Variants in PTPRK observed in about 807,000 individuals in gnomAD.
PTPRK encodes protein tyrosine phosphatase receptor type K, also known as receptor-type tyrosine-protein phosphatase kappa.
PTPRK carries 75 observed loss-of-function variants against 178.0 expected under a neutral mutation model. The observed-to-expected ratio is 0.42, with a 90% CI of 0.35 to 0.51. PTPRK has a LOEUF of 0.51. Among genes scored for constraint, PTPRK ranks in the 20% least tolerant of loss-of-function variants. The probability of loss-of-function intolerance (pLI) is 0.02; values close to 1 mark genes in which losing one functional copy is unlikely to be tolerated. For synonymous variants in PTPRK, 637 were observed against 620.6 expected, an observed-to-expected ratio of 1.03 and a Z score of -0.39; for missense variants, 1,441 against 1,797.8, an observed-to-expected ratio of 0.80 and a Z score of 3.59.
At chr6:128,412,116 T>C (rs1842372520) in intron 1 of PTPRK, among the ~76,000 whole-genome samples, 1 of 152,226 alleles carries the variant, frequency 6.6e-6, no homozygotes, top group Non-Finnish European at 1.5e-5. Flanking sequence ...CAGATCTTAA[T>C]TTATTAGTGC....
chr6:128,508,345 T>C (rs1856666648), intron 1 of PTPRK, among the ~76,000 whole-genome samples: 1 of 150,874 alleles, frequency 6.6e-6, no homozygotes, highest in Admixed American at 6.6e-5. Flanking sequence ...AAAGAATAAA[T>C]GAAAGGATAT....
chr6:128,156,724 TA>T (rs1264531948), intron 7 of PTPRK, among the ~76,000 whole-genome samples: 2 of 151,960 alleles, frequency 1.3e-5, no homozygotes, highest in Non-Finnish European at 2.9e-5. Flanking sequence ...AATCGTTATT[TA>T]AGAAAATAAC....
chr6:128,202,553 T>G (rs1806157653), intron 6 of PTPRK, among the ~76,000 whole-genome samples: 1 of 152,106 alleles, frequency 6.6e-6, no homozygotes, highest in Non-Finnish European at 1.5e-5. Context: ...AGGCCCCACT[T>G]CGAGGGCACT....
chr6:128,338,082 A>G (rs1344215351), intron 2 of PTPRK, among the ~76,000 whole-genome samples: 3 of 152,140 alleles, frequency 2.0e-5, no homozygotes, highest in Non-Finnish European at 4.4e-5. Flanking sequence ...TAAACACAGA[A>G]AAGATTTAAG....
intron 1 of PTPRK, among the ~76,000 whole-genome samples, chr6:128,473,893 A>G (rs1049356816): frequency 6.6e-6 from 1 of 152,114 alleles, no homozygotes; most frequent in Non-Finnish European, 1.5e-5. Flanking sequence ...AAAGTAGAAA[A>G]CAAACATTAA....
intron 1 of PTPRK, among the ~76,000 whole-genome samples, chr6:128,486,885 G>C (rs1291035752): frequency 1.3e-5 from 2 of 151,612 alleles, no homozygotes; most frequent in Non-Finnish European, 2.9e-5. Flanking sequence ...TTATGAATAT[G>C]AACACAGAAA....
At chr6:128,157,131 T>C (rs1198620112) in intron 7 of PTPRK, among the ~76,000 whole-genome samples, 2 of 152,058 alleles carry the variant, frequency 1.3e-5, no homozygotes, top group Non-Finnish European at 2.9e-5. Flanking sequence ...TAATCCCTCT[T>C]GCTTTTGCTT....
intron 19 of PTPRK, among the ~76,000 whole-genome samples, chr6:127,991,995 A>C (rs895983587): frequency 2.0e-5 from 3 of 151,790 alleles, no homozygotes; most frequent in African/African-American, 7.2e-5. Flanking sequence ...ACACAGAAAA[A>C]TGACCCCTGT....
At chr6:128,485,191 C>G (rs1852630308) in intron 1 of PTPRK, among the ~76,000 whole-genome samples, 1 of 152,184 alleles carries the variant, frequency 6.6e-6, no homozygotes, top group African/African-American at 2.4e-5. Context: ...CTGTGGCAAT[C>G]AACCCATAAT....
rs1014035242 is a variant in PTPRK at position 127,992,699 on chromosome 6, C to A, written c.2855G>T (p.Arg952Ile). 1.3e-6 allele frequency: 2 copies of A among 1,580,540 alleles called. No homozygotes were observed. Among genetic ancestry groups the A allele is most frequent in the Admixed American group, 1.8e-5 (1 of 54,864 alleles). Residue 952 changes from arginine (R) to isoleucine (I), a missense_variant, in exon 19 of 30, where the codon AGA (arginine) becomes ATA (isoleucine). Physicochemically the swap from Arg to Ile is moderately conservative, Grantham distance 97. Around this residue, in one of 4 missense-constraint regions of PTPRK, gnomAD observed 945 missense variants for 1,080.6 expected, o/e 0.87. Coordinates refer to ENST00000368226, the MANE Select transcript of PTPRK (RefSeq NM_002844.4). ...INANYIDGYQ[R>I]PSHYIATQGP... is the part of the protein sequence containing the mutation. ...TTGGGTTGCAATGTAATGACTTGGT[C>A]TCTGGTAGCCCTAAAATAAGAGAAC...
intron 1 of PTPRK, among the ~76,000 whole-genome samples, chr6:128,439,625 T>C (rs1227433733): frequency 6.6e-6 from 1 of 152,162 alleles, no homozygotes; most frequent in Non-Finnish European, 1.5e-5. Context: ...AGCCTACCGA[T>C]TACAATGAAT....
chr6:128,270,878 A>T (rs951445788), intron 3 of PTPRK, among the ~76,000 whole-genome samples: 1 of 152,120 alleles, frequency 6.6e-6, no homozygotes, highest in African/African-American at 2.4e-5. Flanking sequence ...AGGCATTAAG[A>T]GACCAATGCT....
intron 5 of PTPRK, chr6:128,237,982 G>A (rs1280318728): frequency 2.3e-6 from 1 of 437,348 alleles, no homozygotes; most frequent in East Asian, 7.2e-5. Flanking sequence ...AACACCCTTA[G>A]TAATTAATAG....
At chr6:128,297,985 A>C (rs1000903540) in intron 3 of PTPRK, among the ~76,000 whole-genome samples, 1 of 152,106 alleles carries the variant, frequency 6.6e-6, no homozygotes, top group Admixed American at 6.6e-5. Context: ...CTAGCAAGAC[A>C]AATAAAGAAG....
chr6:128,210,699 A>AT (rs202026441), intron 6 of PTPRK, among the ~76,000 whole-genome samples: 2,169 of 151,946 alleles, frequency 0.014, 20 homozygotes, highest in African/African-American at 0.03. Context: ...AAGGACTGTG[A>AT]TTTTTTTTCC....
At chr6:128,289,417 C>T (rs1005075205) in intron 3 of PTPRK, among the ~76,000 whole-genome samples, 1 of 152,104 alleles carries the variant, frequency 6.6e-6, no homozygotes, top group Admixed American at 6.6e-5. Flanking sequence ...AATCTAAGTA[C>T]AGTCTTAGTT....
At chr6:128,008,402 A>G (rs1778672672) in intron 14 of PTPRK, among the ~76,000 whole-genome samples, 3 of 150,952 alleles carry the variant, frequency 2.0e-5, no homozygotes. Context: ...TTAGAGTGCT[A>G]TATTAGTTTC....
intron 7 of PTPRK, among the ~76,000 whole-genome samples, chr6:128,143,402 T>A (rs559087372): frequency 2.0e-5 from 3 of 152,328 alleles, no homozygotes; most frequent in African/African-American, 7.2e-5. Context: ...ATGAATGTTT[T>A]ATTTCTGGTG....
chr6:128,350,979 C>T (rs1833042758), intron 2 of PTPRK, among the ~76,000 whole-genome samples: 3 of 152,158 alleles, frequency 2.0e-5, no homozygotes, highest in Non-Finnish European at 2.9e-5. Context: ...CCTCTACAAA[C>T]AAGTATGTCT....
Sources: allele counts gnomAD v4.1 joint callset (sites outside exome capture counted in the v4.1 genomes callset), GRCh38; gene constraint gnomAD v4.1.1; regional missense constraint gnomAD v4.1.1; transcripts MANE v1.5; gene names NCBI Gene and HGNC (gene_info 2026-07-23, HGNC 2026-07-21).